The following LHFPL3 variants were observed in gnomAD, a reference collection of about 807,000 sequenced individuals.
LHFPL3 encodes the protein LHFPL tetraspan subfamily member 3, also known as LHFPL tetraspan subfamily member 3 protein.
In LHFPL3, 5 loss-of-function variants were observed where a neutral mutation model predicts 19.3. The ratio of observed to expected loss-of-function variants is 0.26; its 90% CI spans 0.14 to 0.54. The LOEUF (loss-of-function observed/expected upper bound fraction) is 0.54. Among genes scored for constraint, LHFPL3 ranks in the 20% least tolerant of loss-of-function variants. LHFPL3 has a pLI of 0.94. For synonymous variants in LHFPL3, 133 were observed against 126.2 expected (o/e 1.05, Z -0.36); for missense variants, 249 against 307.4 (o/e 0.81, Z 1.42).
chr7:104,520,108 T>C (rs1309128893), intron 1 of LHFPL3, among the ~76,000 whole-genome samples: 1 of 152,066 alleles, frequency 6.6e-6, no homozygotes, highest in African/African-American at 2.4e-5. Flanking sequence ...CTTATTATTT[T>C]GAAATACGTC....
intron 1 of LHFPL3, among the ~76,000 whole-genome samples, chr7:104,535,740 A>T (rs1794378045): frequency 6.6e-6 from 1 of 152,218 alleles, no homozygotes; most frequent in Non-Finnish European, 1.5e-5. Context: ...AACCTGGGAG[A>T]ATCATTGGCA....
At chr7:104,877,338 G>A (rs1420868096) in intron 2 of LHFPL3, among the ~76,000 whole-genome samples, 1 of 152,146 alleles carries the variant, frequency 6.6e-6, no homozygotes, top group Non-Finnish European at 1.5e-5. Context: ...CCAAATGGGA[G>A]ACAATATTTG....
At chr7:104,761,000 A>G (rs1484426587) in intron 2 of LHFPL3, among the ~76,000 whole-genome samples, 1 of 152,006 alleles carries the variant, frequency 6.6e-6, no homozygotes, top group Non-Finnish European at 1.5e-5. Flanking sequence ...CAGCAGACCC[A>G]GGTGTGCTAA....
At chr7:104,455,787 A>C (rs550731594) in intron 1 of LHFPL3, among the ~76,000 whole-genome samples, 1 of 152,354 alleles carries the variant, frequency 6.6e-6, no homozygotes, top group Non-Finnish European at 1.5e-5. Flanking sequence ...ACAATGACAA[A>C]GTATATTCCT....
intron 1 of LHFPL3, chr7:104,668,767 T>G: frequency 6.5e-7 from 1 of 1,544,362 alleles, no homozygotes; most frequent in South Asian, 1.1e-5. Context: ...GGAGTACTCC[T>G]AAGGAAGATG....
At chr7:104,423,364 G>A (rs1234953659) in intron 1 of LHFPL3, among the ~76,000 whole-genome samples, 1 of 152,154 alleles carries the variant, frequency 6.6e-6, no homozygotes, top group Non-Finnish European at 1.5e-5. Flanking sequence ...TGTAATCCCA[G>A]CACTATGGAA....
At chr7:104,618,636 A>T (rs1391062751) in intron 1 of LHFPL3, among the ~76,000 whole-genome samples, 1 of 151,954 alleles carries the variant, frequency 6.6e-6, no homozygotes, top group East Asian at 1.9e-4. Context: ...TATGTCATAG[A>T]CCTAGATAAT....
At chr7:104,603,434 G>A (rs1484202718) in intron 1 of LHFPL3, among the ~76,000 whole-genome samples, 2 of 151,980 alleles carry the variant, frequency 1.3e-5, no homozygotes, top group Non-Finnish European at 2.9e-5. Flanking sequence ...CCACAGCATT[G>A]CACCCCTGGC....
intron 1 of LHFPL3, chr7:104,470,186 T>C (rs960148207): frequency 7.4e-6 from 3 of 402,818 alleles, no homozygotes; most frequent in African/African-American, 6.2e-5. Flanking sequence ...GGCCACATAT[T>C]TTCAAAAGCA....
chr7:104,757,554 A>G (rs1794308326), intron 2 of LHFPL3: 1 of 152,208 alleles, frequency 6.6e-6, no homozygotes. Context: ...ATGAACAGAC[A>G]CTTCTCAAAA....
At chr7:104,610,392 A>G (rs1791189609) in intron 1 of LHFPL3, among the ~76,000 whole-genome samples, 1 of 152,054 alleles carries the variant, frequency 6.6e-6, no homozygotes, top group African/African-American at 2.4e-5. Context: ...TTTCCAGAGA[A>G]ACAGAAAAGA....
chr7:104,873,644 A>C (rs1791877983), intron 2 of LHFPL3, among the ~76,000 whole-genome samples: 1 of 152,158 alleles, frequency 6.6e-6, no homozygotes, highest in Non-Finnish European at 1.5e-5. Flanking sequence ...GGAAAGAAAA[A>C]AAAACTGAAA....
intron 1 of LHFPL3, among the ~76,000 whole-genome samples, chr7:104,521,410 A>G (rs1477725760): frequency 3.9e-5 from 6 of 152,188 alleles, no homozygotes; most frequent in Non-Finnish European, 8.8e-5. Context: ...GGTGCTGAAA[A>G]AAATGTATAT....
chr7:104,722,137 A>C (rs901154123), intron 1 of LHFPL3, among the ~76,000 whole-genome samples: 1 of 152,170 alleles, frequency 6.6e-6, no homozygotes, highest in Admixed American at 6.5e-5. Flanking sequence ...TTGTCTGGCA[A>C]CATATTCTAT....
chr7:104,908,475 G>T lies in LHFPL3; in HGVS notation c.*2260G>T, dbSNP rs980601309. ...AAAAGTTGTGTGTAATTTTTTTAAGGTCCAAGAAATGTAAAGAAATTTGTT... is the reference window on the plus strand; with the variant it reads ...AAAAGTTGTGTGTAATTTTTTTAAGTTCCAAGAAATGTAAAGAAATTTGTT... On this transcript the variant is annotated 3_prime_UTR_variant, in exon 3 of 3. Coordinates refer to ENST00000424859, the MANE Select transcript of LHFPL3 (RefSeq NM_199000.3). 6.6e-6 allele frequency among the ~76,000 whole-genome samples: 1 copy of T among 151,650 alleles called. No individual in the cohort carries two copies. The highest frequency in any genetic ancestry group is 2.4e-5 in the African/African-American group (1 of 41,284).
rs570602564 is a variant in LHFPL3, at chr7:104,733,302, G to C, written c.446-3373G>C. Among the ~76,000 whole-genome samples the C allele has an allele frequency of 3.9e-5, 6 of 152,268 alleles. No homozygotes were observed. In the East Asian group the frequency reaches 1.2e-3, roughly 29 times the overall value. ...CTTGTTAACTTTCTGTCTCGTTTCTGTCTAATGTAGAGAGTGGGGTGTTAA... is the reference window on the plus strand; with the variant it reads ...CTTGTTAACTTTCTGTCTCGTTTCTCTCTAATGTAGAGAGTGGGGTGTTAA... On this transcript the variant is annotated intron_variant, in intron 1 of 2. Coordinates refer to ENST00000424859, the MANE Select transcript of LHFPL3 (RefSeq NM_199000.3).
chr7:104,691,222 G>A (rs959368394), intron 1 of LHFPL3, among the ~76,000 whole-genome samples: 38 of 152,158 alleles, frequency 2.5e-4, no homozygotes, highest in African/African-American at 8.2e-4. Flanking sequence ...TAATGGAAGT[G>A]GCACAAACGT....
At chr7:104,814,390 T>C (rs1790526991) in intron 2 of LHFPL3, among the ~76,000 whole-genome samples, 1 of 152,100 alleles carries the variant, frequency 6.6e-6, no homozygotes, top group Non-Finnish European at 1.5e-5. Context: ...AGTGGGTTGC[T>C]CCTCTTTGCA....
At chr7:104,408,202 CTCT>C (rs988661870) in intron 1 of LHFPL3, among the ~76,000 whole-genome samples, 1 of 152,146 alleles carries the variant, frequency 6.6e-6, no homozygotes, top group Non-Finnish European at 1.5e-5. Flanking sequence ...GGATCTTTGA[CTCT>C]TCTTTTCTGG....
Sources: gnomAD v4.1 joint callset for allele counts (sites outside exome capture counted in the v4.1 genomes callset) on GRCh38, gnomAD v4.1.1 for gene constraint, MANE v1.5 for transcripts, NCBI Gene and HGNC (gene_info 2026-07-23, HGNC 2026-07-21) for gene names.